NAA11: variants seen among roughly 807,000 people sequenced by gnomAD.
NAA11 encodes N-alpha-acetyltransferase 11.
NAA11 carries 15 observed loss-of-function variants against 16.1 expected under a neutral mutation model. That is an observed-to-expected ratio of 0.93 (90% CI 0.62 to 1.44). NAA11 has a LOEUF of 1.44. Ranked by LOEUF, NAA11 falls within the 40% of genes most tolerant of loss-of-function variation. The pLI, the probability that NAA11 is intolerant of heterozygous loss-of-function variation, is 0.00. For synonymous variants in NAA11, 122 were observed against 112.4 expected, an observed-to-expected ratio of 1.09 and a Z score of -0.54; for missense variants, 298 against 291.3, an observed-to-expected ratio of 1.02 and a Z score of -0.17.
At chr4:79,277,966 ACT>A (rs1051316789) in intron 2 of NAA11, among the ~76,000 whole-genome samples, 1 of 151,970 alleles carries the variant, frequency 6.6e-6, no homozygotes, top group African/African-American at 2.4e-5. Context: ...GAAAATGAAC[ACT>A]GTCTCACCAG....
chr4:79,183,693 C>CT, the NAA11 span, among the ~76,000 whole-genome samples: 1 of 151,628 alleles, frequency 6.6e-6, no homozygotes, highest in Non-Finnish European at 1.5e-5. Flanking sequence ...TGCCTGTCAT[C>CT]TTTTTCTGAA....
At chr4:79,214,228 G>A in the NAA11 span, among the ~76,000 whole-genome samples, 2 of 152,184 alleles carry the variant, frequency 1.3e-5, no homozygotes, top group African/African-American at 4.8e-5. Context: ...ACTACTGGAA[G>A]GAAGTAGTAA....
At chr4:79,218,917 A>G in the NAA11 span, among the ~76,000 whole-genome samples, 2 of 152,242 alleles carry the variant, frequency 1.3e-5, no homozygotes. Flanking sequence ...TTTGCACTTT[A>G]GCAAAATATT....
intron 2 of NAA11, among the ~76,000 whole-genome samples, chr4:79,277,776 C>A (rs919293699): frequency 6.6e-6 from 1 of 152,010 alleles, no homozygotes; most frequent in African/African-American, 2.4e-5. Flanking sequence ...TGCAGTCTAA[C>A]CCTAGCCAAT....
the NAA11 span, among the ~76,000 whole-genome samples, chr4:79,213,618 G>C: frequency 6.6e-6 from 1 of 152,014 alleles, no homozygotes; most frequent in African/African-American, 2.4e-5. Context: ...TTTCAATTTA[G>C]TTGATTATCT....
At chr4:79,203,300 C>A in the NAA11 span, among the ~76,000 whole-genome samples, 1 of 151,704 alleles carries the variant, frequency 6.6e-6, no homozygotes, top group Non-Finnish European at 1.5e-5. Context: ...TTTGAAGCAT[C>A]TTGCAACACA....
At chr4:79,189,222 C>G in the NAA11 span, among the ~76,000 whole-genome samples, 1 of 149,134 alleles carries the variant, frequency 6.7e-6, no homozygotes, top group Non-Finnish European at 1.5e-5. Context: ...GATAGGTGAC[C>G]TGAGAAACAG....
downstream of NAA11, among the ~76,000 whole-genome samples, chr4:79,312,782 G>A (rs115875310): frequency 0.029 from 4,418 of 151,552 alleles, 238 homozygotes; most frequent in African/African-American, 0.1. Flanking sequence ...GAGGCACCAC[G>A]CCCAGCCAGT....
At chr4:79,321,184 A>G (rs191567035) in intron 1 of NAA11, among the ~76,000 whole-genome samples, 89 of 152,318 alleles carry the variant, frequency 5.8e-4, no homozygotes, top group African/African-American at 2.0e-3. Flanking sequence ...GGGCCATGCC[A>G]TGGAGTGAGA....
At chr4:79,204,928 T>TAC in the NAA11 span, among the ~76,000 whole-genome samples, 940 of 147,892 alleles carry the variant, frequency 6.4e-3, 7 homozygotes, top group Non-Finnish European at 7.8e-3. Flanking sequence ...ATGGTGTGTA[T>TAC]ACACACACAC....
chr4:79,304,293 T>C (rs1453206981), intron 1 of NAA11, among the ~76,000 whole-genome samples: 1 of 152,116 alleles, frequency 6.6e-6, no homozygotes, highest in Non-Finnish European at 1.5e-5. Flanking sequence ...AAATACAAAT[T>C]TGAAGAAAAC....
At chr4:79,317,875 G>A (rs932730571) in intron 1 of NAA11, 84 bp from the exon 2 acceptor site, 1 of 152,170 alleles carries the variant, frequency 6.6e-6, no homozygotes, top group African/African-American at 2.4e-5. Context: ...TTTAGTTAAT[G>A]ATAGACTGGA....
chr4:79,182,421 T>C, the NAA11 span, among the ~76,000 whole-genome samples: 5 of 152,168 alleles, frequency 3.3e-5, no homozygotes, highest in African/African-American at 9.7e-5. Flanking sequence ...TCGTTACATG[T>C]GATCAGAAAG....
chr4:79,167,719 T>C, the NAA11 span, among the ~76,000 whole-genome samples: 1 of 152,024 alleles, frequency 6.6e-6, no homozygotes, highest in Non-Finnish European at 1.5e-5. Context: ...ACAGGAAGCA[T>C]GAGGCTGGCA....
At chr4:79,246,295 T>G (rs1721821365) in intron 2 of NAA11, among the ~76,000 whole-genome samples, 1 of 151,440 alleles carries the variant, frequency 6.6e-6, no homozygotes, top group Admixed American at 6.6e-5. Flanking sequence ...CATGTTTATC[T>G]GCTGACCTTC....
intron 2 of NAA11, among the ~76,000 whole-genome samples, chr4:79,261,347 T>A (rs1327172441): frequency 2.0e-5 from 3 of 152,138 alleles, no homozygotes. Flanking sequence ...CTTCTAAGAT[T>A]CTACTATTTC....
chr4:79,216,856 A>G, the NAA11 span, among the ~76,000 whole-genome samples: 14 of 152,270 alleles, frequency 9.2e-5, no homozygotes, highest in African/African-American at 1.4e-4. Flanking sequence ...AATGGCTTCA[A>G]TACAAGGCCT....
At chr4:79,315,561 C>T (rs1472504533), downstream of NAA11, among the ~76,000 whole-genome samples, 1 of 152,082 alleles carries the variant, frequency 6.6e-6, no homozygotes, top group African/African-American at 2.4e-5. Flanking sequence ...TTTAAAGCTG[C>T]AAGTGAATAA....
the NAA11 span, among the ~76,000 whole-genome samples, chr4:79,204,005 T>C: frequency 6.6e-6 from 1 of 151,888 alleles, no homozygotes; most frequent in Admixed American, 6.6e-5. Context: ...TAAAATAATA[T>C]TCATTTTTGT....
Sources: gnomAD v4.1 joint callset for allele counts (sites outside exome capture counted in the v4.1 genomes callset) on GRCh38, gnomAD v4.1.1 for gene constraint, MANE v1.5 for transcripts, NCBI Gene and HGNC (gene_info 2026-07-23, HGNC 2026-07-21) for gene names.